ADORA2A: variants seen among roughly 807,000 people sequenced by gnomAD.
ADORA2A encodes adenosine A2a receptor.
In ADORA2A, 11 loss-of-function variants were observed where a neutral mutation model predicts 18.4. That is an observed-to-expected ratio of 0.60 (90% CI 0.38 to 0.99). ADORA2A has a LOEUF of 0.99. Ranked by LOEUF, ADORA2A falls within the 50% of genes least tolerant of loss-of-function variation. ADORA2A has a pLI of 0.01. For missense variants in ADORA2A, 449 were observed against 556.1 expected (o/e 0.81, Z 1.94); for synonymous variants, 218 against 237.3 (o/e 0.92, Z 0.75).
At chr22:24,435,194 G>A (rs756479302) in intron 2 of ADORA2A, among the ~76,000 whole-genome samples, 4 of 152,296 alleles carry the variant, frequency 2.6e-5, no homozygotes, top group Admixed American at 6.5e-5. Context: ...AGGGATTGTC[G>A]GACTCCAAGT....
intron 1 of ADORA2A, chr22:24,431,740 G>A (rs577180145): frequency 1.1e-5 from 4 of 349,448 alleles, no homozygotes; most frequent in African/African-American, 2.1e-5. Context: ...GCAATTTAAC[G>A]GGCAGAGGTC....
At chr22:24,436,530 T>C (rs2043182765) in intron 2 of ADORA2A, among the ~76,000 whole-genome samples, 1 of 152,218 alleles carries the variant, frequency 6.6e-6, no homozygotes, top group Non-Finnish European at 1.5e-5. Flanking sequence ...GAGGCAGAGA[T>C]GTAGCTCTCT....
At chr22:24,427,328 C>T (rs2042929111), upstream of ADORA2A, among the ~76,000 whole-genome samples, 2 of 152,146 alleles carry the variant, frequency 1.3e-5, no homozygotes, top group African/African-American at 4.8e-5. Context: ...ACCCAACAGC[C>T]GGTCCTCACC....
Position 24,440,909 on chromosome 22 carries a change from G to A in ADORA2A, c.659G>A (p.Arg220Gln), listed in dbSNP as rs757325519. The A allele has an allele frequency of 3.7e-6, 6 of 1,613,996 alleles. No individual in the cohort carries two copies. The highest frequency in any genetic ancestry group is 2.2e-5 in the East Asian group (1 of 44,894). ...QMESQPLPGERARSTLQKEVH... is the reference protein window; with the variant it reads ...QMESQPLPGEQARSTLQKEVH... ...GAGAGCCAGCCTCTGCCGGGGGAGC[G>A]GGCACGGTCCACACTGCAGAAGGAG... The change falls in exon 3 of 3, where the codon CGG (arginine) becomes CAG (glutamine). Residue 220 changes from arginine (R) to glutamine (Q), a missense_variant. Coordinates refer to ENST00000337539, the MANE Select transcript of ADORA2A (RefSeq NM_000675.6).
At chr22:24,429,001 C>T (rs1456504296) in intron 1 of ADORA2A, among the ~76,000 whole-genome samples, 11 of 152,250 alleles carry the variant, frequency 7.2e-5, no homozygotes, top group Non-Finnish European at 1.5e-4. Flanking sequence ...CAGGAACAGG[C>T]CAGGCATGGC....
At chr22:24,428,196 T>C (rs1042368785) in intron 1 of ADORA2A, among the ~76,000 whole-genome samples, 3 of 152,160 alleles carry the variant, frequency 2.0e-5, no homozygotes, top group Non-Finnish European at 4.4e-5. Flanking sequence ...TCTGGGAGGT[T>C]CATGCCCAGG....
At chr22:24,425,347 C>CA (rs1568940809), upstream of ADORA2A, among the ~76,000 whole-genome samples, 1 of 136,814 alleles carries the variant, frequency 7.3e-6, no homozygotes, top group African/African-American at 2.7e-5. Flanking sequence ...ACCCCCCCCC[C>CA]CCCCGCCCAA....
chr22:24,430,804 A>G (rs530269607), intron 1 of ADORA2A: 3 of 321,124 alleles, frequency 9.3e-6, no homozygotes, highest in East Asian at 8.3e-5. Flanking sequence ...GCATCCTTCA[A>G]TGCAGATGCC....
chr22:24,431,192 A>C (rs2043025082), intron 1 of ADORA2A: 1 of 456,784 alleles, frequency 2.2e-6, no homozygotes, highest in Non-Finnish European at 4.4e-6. Context: ...CATGGAAAGC[A>C]GGGGCTTGGG....
chr22:24,431,065 C>T (rs1371542648), intron 1 of ADORA2A: 4 of 448,554 alleles, frequency 8.9e-6, no homozygotes, highest in African/African-American at 6.0e-5. Flanking sequence ...GGAGAGAGGC[C>T]AAGAGCATCA....
In ADORA2A at chr22:24,440,638, G is replaced by A. The variant is rs765688222; in HGVS notation, c.388G>A (p.Val130Met). ...RAKGIIAICW[V>M]LSFAIGLTPM... ...TAAGGGCATCATTGCCATCTGCTGG[G>A]TGCTGTCGTTTGCCATCGGCCTGAC... The change falls in exon 3 of 3, where the codon GTG becomes ATG. Residue 130 changes from valine to methionine, a missense_variant. Physicochemically the swap from Val to Met is conservative, Grantham distance 21. Transcript: ENST00000337539. 1.1e-5 allele frequency: 17 copies of A among 1,602,904 alleles called. No homozygotes were observed. In the Admixed American group the frequency reaches 2.7e-4, roughly 25 times the overall value.
chr22:24,441,272 A>G lies in ADORA2A; in HGVS notation c.1022A>G (p.His341Arg). ...GEQVSLRLNG[H>R]PPGVWANGSA... ...CAGGTCAGCCTCCGTCTCAACGGCC[A>G]CCCGCCAGGAGTGTGGGCCAACGGC... Residue 341 changes from histidine to arginine, a missense_variant, in exon 3 of 3, where the codon CAC becomes CGC. His to Arg is a conservative substitution (Grantham distance 29, BLOSUM62 0). Transcript: ENST00000337539. 1 of 1,612,546 alleles carries G rather than the reference A, an allele frequency of 6.2e-7. No individual in the cohort carries two copies. The highest frequency in any genetic ancestry group is 8.5e-7 in the Non-Finnish European group (1 of 1,179,532).
upstream of ADORA2A, among the ~76,000 whole-genome samples, chr22:24,424,137 A>T (rs1473759554): frequency 6.6e-6 from 1 of 151,612 alleles, no homozygotes; most frequent in Non-Finnish European, 1.5e-5. This position sits in a 1 kb window ranked among gnomAD's most constrained non-coding sequence, Gnocchi z 4.9. Flanking sequence ...CCCCGAGACC[A>T]GTTCCCCGGC....
intron 1 of ADORA2A, 115 bp from the exon 2 acceptor site, chr22:24,433,016 T>G: frequency 3.8e-6 from 1 of 263,192 alleles, no homozygotes; most frequent in Non-Finnish European, 7.4e-6. Context: ...GTGGGTAGGG[T>G]GGGATCTGAA....
chr22:24,431,473 G>C (rs1303613899), intron 1 of ADORA2A: 1 of 456,824 alleles, frequency 2.2e-6, no homozygotes, highest in Admixed American at 2.3e-5. Flanking sequence ...ATGGACAATG[G>C]GGTAGAGGGG....
chr22:24,435,103 A>G (rs2043140103), intron 2 of ADORA2A, among the ~76,000 whole-genome samples: 1 of 152,194 alleles, frequency 6.6e-6, no homozygotes, highest in African/African-American at 2.4e-5. Context: ...CTGCCCTGTC[A>G]GATGCTCTCT....
In ADORA2A at chr22:24,431,296, C is replaced by A. The variant is rs180900002; in HGVS notation, c.-274-1835C>A. ...TCCTCCTCCTGCTTCTGTGTCAATGCTCCATTCCCAGGCTCCTAGTAGGGG... is the reference window on the plus strand; with the variant it reads ...TCCTCCTCCTGCTTCTGTGTCAATGATCCATTCCCAGGCTCCTAGTAGGGG... On this transcript the variant is annotated intron_variant, in intron 1 of 2. Transcript: ENST00000337539. 5.8e-4 allele frequency: 265 copies of A among 456,902 alleles called. 4 individuals are homozygous for A. The Admixed American group carries it at 6.1e-3, about 11-fold the overall frequency. 28.3% of individuals were successfully genotyped at this position (456,902 alleles called of 1,614,324 possible). A position where few individuals can be genotyped will look rare whatever the true frequency, so the allele number is the denominator to read the frequency against.
upstream of ADORA2A, chr22:24,424,093 G>A (rs1209766464): frequency 6.6e-6 from 1 of 152,356 alleles, no homozygotes; most frequent in African/African-American, 2.4e-5. The surrounding 1 kb of genome is among the most constrained non-coding windows in gnomAD (Gnocchi z 4.9). Flanking sequence ...TGGGAGGCTG[G>A]GGTTCTGCTC....
Position 24,433,138 on chromosome 22 carries a change from A to C in ADORA2A, c.-267A>C, listed in dbSNP as rs1290630380. Reference sequence around the variant, plus strand: ...TCGGCTGTCCCTTTGCAGGTGCCTCAGGAACCCTGAAGCTGGGCTGAGCCA... The same window carrying C: ...TCGGCTGTCCCTTTGCAGGTGCCTCCGGAACCCTGAAGCTGGGCTGAGCCA... On this transcript the variant is annotated 5_prime_UTR_variant, in exon 2 of 3. Coordinates refer to ENST00000337539, the MANE Select transcript of ADORA2A (RefSeq NM_000675.6). 1.8e-6 allele frequency: 1 copy of C among 563,664 alleles called. No homozygotes were observed. Among genetic ancestry groups the C allele is most frequent in the Non-Finnish European group, 3.2e-6 (1 of 315,106 alleles). The allele number at this position is 563,664 out of a possible 1,614,324, so 34.9% of individuals were successfully genotyped here. A position where few individuals can be genotyped will look rare whatever the true frequency, so the allele number is the denominator to read the frequency against.
Sources: allele counts gnomAD v4.1 joint callset (sites outside exome capture counted in the v4.1 genomes callset), GRCh38; gene constraint gnomAD v4.1.1; non-coding constraint Gnocchi (gnomAD v3.1); transcripts MANE v1.5; gene names NCBI Gene and HGNC (gene_info 2026-07-23, HGNC 2026-07-21).